LRRC40: variants seen among roughly 807,000 people sequenced by gnomAD.
LRRC40 encodes leucine-rich repeat-containing protein 40.
Under a neutral mutation model 72.8 loss-of-function variants are expected in LRRC40, and 76 were observed. The observed-to-expected ratio is 1.04, with a 90% CI of 0.87 to 1.26. LRRC40 has a LOEUF of 1.26. LRRC40 is among the 50% of genes most tolerant of loss of function. LRRC40 has a pLI of 0.00. For synonymous variants in LRRC40, 243 were observed against 254.2 expected, an observed-to-expected ratio of 0.96 and a Z score of 0.42; for missense variants, 684 against 698.9, an observed-to-expected ratio of 0.98 and a Z score of 0.24.
chr1:70,187,612 C>T (rs534480453), intron 2 of LRRC40, among the ~76,000 whole-genome samples: 3 of 151,842 alleles, frequency 2.0e-5, no homozygotes, highest in African/African-American at 7.2e-5. Flanking sequence ...ATCGCTTGTA[C>T]CCAGGAGTTT....
chr1:70,178,226 C>T (rs61785267), intron 6 of LRRC40, among the ~76,000 whole-genome samples: 31,065 of 152,018 alleles, frequency 0.2, 3,536 homozygotes, highest in South Asian at 0.39. Context: ...AGTTTGTTAC[C>T]TAACATTTTC....
At chr1:70,164,461 C>A (rs755791530) in intron 9 of LRRC40, among the ~76,000 whole-genome samples, 4 of 152,082 alleles carry the variant, frequency 2.6e-5, no homozygotes, top group Non-Finnish European at 4.4e-5. Context: ...AAATCTCCTC[C>A]CAAAGACCAC....
At chr1:70,192,297 GT>G (rs780732644) in intron 1 of LRRC40, among the ~76,000 whole-genome samples, 5 of 151,946 alleles carry the variant, frequency 3.3e-5, no homozygotes, top group Non-Finnish European at 7.4e-5. Flanking sequence ...AGGAATGCTA[GT>G]GATTTTTGTA....
chr1:70,201,424 AT>A, intron 1 of LRRC40, among the ~76,000 whole-genome samples: 1 of 152,306 alleles, frequency 6.6e-6, no homozygotes, highest in East Asian at 1.9e-4. Flanking sequence ...ATGACACAAA[AT>A]TTAAGAATCG....
intron 9 of LRRC40, among the ~76,000 whole-genome samples, chr1:70,165,501 T>C (rs1375578085): frequency 1.3e-5 from 2 of 152,218 alleles, no homozygotes; most frequent in African/African-American, 4.8e-5. Context: ...TTCTGGATTG[T>C]TCAGTTTCTT....
Position 70,187,284 on chromosome 1 carries a change from G to C in LRRC40, c.388C>G (p.Leu130Val). ...TTTTACCTGACATTAAGTTTCTGAAGATTTTCTAGCTCTCTTATAGCAGAA... is the reference window on the plus strand; with the variant it reads ...TTTTACCTGACATTAAGTTTCTGAACATTTTCTAGCTCTCTTATAGCAGAA... ...LPSAIRELEN[L>V]QKLNVSHNKL... is the part of the protein sequence containing the mutation. Residue 130 changes from leucine to valine, a missense_variant, in exon 3 of 15, where the codon CTT becomes GTT. Coordinates refer to ENST00000370952, the MANE Select transcript of LRRC40 (RefSeq NM_017768.5). 1.3e-6 allele frequency: 2 copies of C among 1,580,462 alleles called. No homozygotes were observed. The highest frequency in any genetic ancestry group is 1.7e-6 in the Non-Finnish European group (2 of 1,152,142).
At chr1:70,205,284 A>G in intron 1 of LRRC40, 106 bp downstream of exon 1, 1 of 1,081,710 alleles carries the variant, frequency 9.2e-7, no homozygotes, top group East Asian at 2.4e-5. Context: ...AATTCTGGCT[A>G]GCAGTCTGAG....
chr1:70,169,960 CA>C (rs908632002), intron 9 of LRRC40, among the ~76,000 whole-genome samples: 2 of 150,674 alleles, frequency 1.3e-5, no homozygotes, highest in Non-Finnish European at 3.0e-5. Flanking sequence ...AAACCAGAAA[CA>C]AAAAAAAATC....
intron 9 of LRRC40, among the ~76,000 whole-genome samples, chr1:70,163,852 C>A (rs1009586264): frequency 6.6e-6 from 1 of 152,132 alleles, no homozygotes; most frequent in African/African-American, 2.4e-5. Flanking sequence ...CTTAATGCCA[C>A]GATGGCATAA....
chr1:70,146,050 A>T (rs1005467497), intron 14 of LRRC40, 145 bp from the exon 15 acceptor site: 2 of 528,662 alleles, frequency 3.8e-6, no homozygotes, highest in South Asian at 4.8e-5. Flanking sequence ...TTTGAGACAG[A>T]GTCTCACTCT....
At chr1:70,149,355 G>A (rs1457733563) in intron 13 of LRRC40, among the ~76,000 whole-genome samples, 1 of 152,108 alleles carries the variant, frequency 6.6e-6, no homozygotes, top group African/African-American at 2.4e-5. Flanking sequence ...TCCGCATACT[G>A]CCCCCTTCCT....
chr1:70,173,046 T>C (rs942094322), intron 9 of LRRC40, among the ~76,000 whole-genome samples: 2 of 152,092 alleles, frequency 1.3e-5, no homozygotes, highest in Admixed American at 1.3e-4. Context: ...CCCTGAAAAG[T>C]ATGTTTTGTC....
At chr1:70,182,015 C>T (rs762101491) in intron 4 of LRRC40, among the ~76,000 whole-genome samples, 2 of 151,934 alleles carry the variant, frequency 1.3e-5, no homozygotes, top group African/African-American at 2.4e-5. Flanking sequence ...TTTAATATAA[C>T]ATTAAACAAC....
chr1:70,178,899 C>T lies in LRRC40; in HGVS notation c.756G>A (p.Arg252=). ...ATTCTGGTAGAAAACGTAATTTATT[C>T]CTCCGCAAATAAAGCAATTCTAGTG... The part of the protein sequence containing the change: ...MESLELLYLR[R]NKLRFLPEFP... Residue 252 remains arginine (R), a synonymous_variant, in exon 6 of 15, where the codon AGG becomes AGA. Transcript: ENST00000370952. 1 of 1,597,324 alleles carries T rather than the reference C, an allele frequency of 6.3e-7. No individual in the cohort carries two copies. The highest frequency in any genetic ancestry group is 8.6e-7 in the Non-Finnish European group (1 of 1,168,294).
chr1:70,148,629 CAA>C lies in LRRC40; in HGVS notation c.1559_1560del (p.Leu520ArgfsTer6), dbSNP rs770138401. ...TGATTATTACTAATCAGAATTGTTT[CAA>C]GTGTGAAGATACGATATAGAACTTC... Reference protein sequence around the residue: ...LPEVLYRIFTLETILISNNQV... With the variant: ...LPEVLYRIFTXETILISNNQV... On this transcript the variant is annotated frameshift_variant, in exon 14 of 15. Transcript: ENST00000370952. LOFTEE classifies it high-confidence loss of function. The C allele has an allele frequency of 1.2e-6, 2 of 1,612,450 alleles. No individual in the cohort carries two copies. The highest frequency in any genetic ancestry group is 1.3e-5 in the African/African-American group (1 of 74,994).
At chr1:70,159,655 T>C (rs914521521) in intron 9 of LRRC40, among the ~76,000 whole-genome samples, 2 of 152,288 alleles carry the variant, frequency 1.3e-5, no homozygotes, top group Non-Finnish European at 2.9e-5. Flanking sequence ...TCAAAACTGT[T>C]TAATGAATCC....
At chr1:70,192,320 T>C (rs576250534) in intron 1 of LRRC40, among the ~76,000 whole-genome samples, 1 of 152,134 alleles carries the variant, frequency 6.6e-6, no homozygotes, top group South Asian at 2.1e-4. Flanking sequence ...ATTGATTTTG[T>C]ATCCTGAAAC....
chr1:70,184,834 A>C lies in LRRC40; in HGVS notation c.488T>G (p.Leu163Ter). The change falls in exon 4 of 15, where the codon TTA (leucine) becomes TGA (stop). Residue 163 changes from leucine (L) to a stop codon, truncating the protein, a stop_gained. Coordinates refer to ENST00000370952, the MANE Select transcript of LRRC40 (RefSeq NM_017768.5). LOFTEE classifies it high-confidence loss of function. ...LKCLYLQHNE[L>*]TCISEGFEQL... ...TTCAAATCCCTCTGATATGCAGGTT[A>C]ATTCATTATGCTGGAGATACAGGCA... 6.2e-7 allele frequency: 1 copy of C among 1,612,090 alleles called. No individual in the cohort carries two copies. Among genetic ancestry groups the C allele is most frequent in the Non-Finnish European group, 8.5e-7 (1 of 1,178,852 alleles).
chr1:70,177,998 C>A (rs1481823725), intron 6 of LRRC40, among the ~76,000 whole-genome samples: 3 of 152,120 alleles, frequency 2.0e-5, no homozygotes, highest in Non-Finnish European at 4.4e-5. Flanking sequence ...TAATAAGATT[C>A]TTTTCTCTAG....
Sources: gnomAD v4.1 joint callset for allele counts (sites outside exome capture counted in the v4.1 genomes callset) on GRCh38, gnomAD v4.1.1 for gene constraint, MANE v1.5 for transcripts, NCBI Gene and HGNC (gene_info 2026-07-23, HGNC 2026-07-21) for gene names.